TNR: variants seen among roughly 807,000 people sequenced by gnomAD.
The protein encoded by TNR is tenascin-R.
A neutral mutation model predicts 150.4 loss-of-function variants in TNR; 45 were observed. The ratio of observed to expected loss-of-function variants is 0.30; its 90% CI spans 0.24 to 0.38. TNR has a LOEUF of 0.38. TNR is among the 10% of genes least tolerant of loss of function. The probability of loss-of-function intolerance (pLI) is 1.00; values close to 1 mark genes in which losing one functional copy is unlikely to be tolerated. For synonymous variants in TNR, 687 were observed against 678.4 expected, an observed-to-expected ratio of 1.01 and a Z score of -0.20; for missense variants, 1,544 against 1,759.1, an observed-to-expected ratio of 0.88 and a Z score of 2.19.
chr1:175,736,898 G>A (rs950045544), intron 1 of TNR, among the ~76,000 whole-genome samples: 1 of 152,018 alleles, frequency 6.6e-6, no homozygotes, highest in Non-Finnish European at 1.5e-5. Context: ...GTACATGCCT[G>A]TAGTCCCAGA....
At chr1:175,480,419 A>AAAGAAAGAAAGAAAGAAAGAAAGAAAG (rs1657741580) in intron 2 of TNR, among the ~76,000 whole-genome samples, 1 of 110,936 alleles carries the variant, frequency 9.0e-6, no homozygotes, top group Non-Finnish European at 2.0e-5. Flanking sequence ...AAAGAAAGAA[A>AAAGAAAGAAAGAAAGAAAGAAAGAAAG]AAAGAAAGAA....
intron 2 of TNR, 83 bp from the exon 3 acceptor site, chr1:175,406,860 G>A (rs1411412864): frequency 4.7e-6 from 5 of 1,056,304 alleles, no homozygotes; most frequent in South Asian, 3.2e-5. Context: ...CAAAGCTCAG[G>A]AGTAGGCAGC....
At chr1:175,413,156 G>C (rs1322647906) in intron 2 of TNR, among the ~76,000 whole-genome samples, 4 of 152,176 alleles carry the variant, frequency 2.6e-5, no homozygotes, top group Non-Finnish European at 5.9e-5. Flanking sequence ...CTCCCAAGTA[G>C]CTGGGATTAT....
intron 1 of TNR, among the ~76,000 whole-genome samples, chr1:175,674,283 T>C (rs1261160832): frequency 6.6e-6 from 1 of 152,200 alleles, no homozygotes; most frequent in Non-Finnish European, 1.5e-5. Context: ...CTTTTCTTTT[T>C]ACCATGAGAT....
chr1:175,349,693 T>C (rs1243333946), intron 18 of TNR, among the ~76,000 whole-genome samples: 3 of 152,134 alleles, frequency 2.0e-5, no homozygotes, highest in East Asian at 3.8e-4. Context: ...TTGCTGGAGA[T>C]TGACATGGGT....
chr1:175,386,339 T>C (rs1189438957), intron 7 of TNR, 38 bp from the exon 8 acceptor site: 2 of 1,506,146 alleles, frequency 1.3e-6, no homozygotes, highest in Non-Finnish European at 1.8e-6. Flanking sequence ...AAAGTTTGAA[T>C]GAGAAATAAG....
At chr1:175,333,856 A>G (rs771480029) in intron 20 of TNR, among the ~76,000 whole-genome samples, 2 of 152,332 alleles carry the variant, frequency 1.3e-5, no homozygotes, top group Non-Finnish European at 2.9e-5. Flanking sequence ...CTGAATATAC[A>G]CAGATGGCAC....
intron 2 of TNR, among the ~76,000 whole-genome samples, chr1:175,517,586 G>C (rs1438311574): frequency 6.6e-6 from 1 of 152,284 alleles, no homozygotes; most frequent in Non-Finnish European, 1.5e-5. Context: ...TCCTAGGCCA[G>C]TCCCCAATGG....
intron 1 of TNR, among the ~76,000 whole-genome samples, chr1:175,614,577 C>A (rs1663707817): frequency 6.6e-6 from 1 of 152,100 alleles, no homozygotes; most frequent in Non-Finnish European, 1.5e-5. Flanking sequence ...TTTCTGGGAA[C>A]ATATCATCAT....
intron 1 of TNR, among the ~76,000 whole-genome samples, chr1:175,547,601 G>C (rs935815300): frequency 4.5e-5 from 1 of 22,266 alleles, no homozygotes; most frequent in African/African-American, 9.4e-5. Context: ...AAGAAAGAAA[G>C]AAAGAAAGAA....
intron 1 of TNR, among the ~76,000 whole-genome samples, chr1:175,615,659 G>T (rs1663751746): frequency 6.6e-6 from 1 of 152,216 alleles, no homozygotes; most frequent in South Asian, 2.1e-4. Flanking sequence ...CAGGACTTCA[G>T]CGTCCTCCTG....
At chr1:175,688,839 CAG>C (rs1440459015) in intron 1 of TNR, among the ~76,000 whole-genome samples, 2 of 152,222 alleles carry the variant, frequency 1.3e-5, no homozygotes, top group Non-Finnish European at 2.9e-5. Flanking sequence ...TCTGCCCTCT[CAG>C]AGAGTTTCTT....
In TNR at chr1:175,324,371, C is replaced by A. The variant is rs752804392; in HGVS notation, c.3942G>T (p.Glu1314Asp). ...HRTNLNGKYG[E>D]SRHSQGINWY... ...CATCGCTTACCTGACTGTGCCTGGA[C>A]TCCCCGTACTTCCCATTGAGGTTGG... is the stretch of plus-strand genomic sequence containing the variant. Residue 1314 changes from glutamate (E) to aspartate (D), a missense_variant, in exon 22 of 23, where the codon GAG (glutamate) becomes GAT (aspartate). Glu to Asp is a conservative substitution (Grantham distance 45). Around this residue, in one of 2 missense-constraint regions of TNR, gnomAD observed 290 missense variants for 429.7 expected, o/e 0.67. Transcript: ENST00000367674. 1 of 1,613,802 alleles carries A rather than the reference C, an allele frequency of 6.2e-7. No individual in the cohort carries two copies.
At chr1:175,669,244 G>A (rs1233891914) in intron 1 of TNR, among the ~76,000 whole-genome samples, 1 of 152,212 alleles carries the variant, frequency 6.6e-6, no homozygotes, top group African/African-American at 2.4e-5. Context: ...TCCTGCTCCA[G>A]CTGGAACTCC....
intron 1 of TNR, among the ~76,000 whole-genome samples, chr1:175,697,788 C>A (rs765989892): frequency 1.9e-4 from 29 of 152,320 alleles, no homozygotes; most frequent in South Asian, 4.1e-4. Flanking sequence ...TCCTGAGTCC[C>A]CCCACATGTC....
chr1:175,609,938 G>A (rs1316559326), intron 1 of TNR, among the ~76,000 whole-genome samples: 2 of 152,166 alleles, frequency 1.3e-5, no homozygotes, highest in Non-Finnish European at 2.9e-5. Flanking sequence ...TGCTAATAAT[G>A]GGAATGTGAT....
chr1:175,580,610 G>C (rs1662316975), intron 1 of TNR, among the ~76,000 whole-genome samples: 1 of 152,186 alleles, frequency 6.6e-6, no homozygotes, highest in Non-Finnish European at 1.5e-5. Flanking sequence ...TTCAGCAAAA[G>C]AAAGCTTGTG....
chr1:175,332,799 C>G (rs1200500744), intron 20 of TNR, among the ~76,000 whole-genome samples: 1 of 152,188 alleles, frequency 6.6e-6, no homozygotes, highest in Non-Finnish European at 1.5e-5. Flanking sequence ...GGAAGCTGGT[C>G]TCTTCCTTCT....
rs565222552 is a variant in TNR, at chr1:175,426,793, T to C, written c.-63-20016A>G. 1.9e-3 allele frequency among the ~76,000 whole-genome samples: 260 copies of C among 139,982 alleles called. 4 individuals are homozygous for C. Among genetic ancestry groups the C allele is most frequent in the Non-Finnish European group, 3.3e-3 (215 of 65,328 alleles). 91.8% of individuals were successfully genotyped at this position (139,982 alleles called of 152,430 possible). On this transcript the variant is annotated intron_variant, in intron 2 of 22. Transcript: ENST00000367674. ...ATAAATATATATACAGGTGTGTGTG[T>C]ATATATATAATATATATAAAATATA... is the stretch of plus-strand genomic sequence containing the variant.
Sources: gnomAD v4.1 joint callset for allele counts (sites outside exome capture counted in the v4.1 genomes callset) on GRCh38, gnomAD v4.1.1 for gene constraint, gnomAD v4.1.1 regional missense constraint, MANE v1.5 for transcripts, NCBI Gene and HGNC (gene_info 2026-07-23, HGNC 2026-07-21) for gene names.